The following BAIAP2 variants were observed in gnomAD, a reference collection of about 807,000 sequenced individuals.
The protein encoded by BAIAP2 is BAR/IMD domain-containing adapter protein 2.
Under a neutral mutation model 63.0 loss-of-function variants are expected in BAIAP2, and 18 were observed. That is an observed-to-expected ratio of 0.29 (90% confidence interval 0.20 to 0.42). BAIAP2 has a LOEUF of 0.42. Among genes scored for constraint, BAIAP2 ranks in the 10% least tolerant of loss-of-function variants. BAIAP2 has a pLI of 1.00. For missense variants in BAIAP2, 610 were observed against 734.3 expected, an observed-to-expected ratio of 0.83 and a Z score of 1.96; for synonymous variants, 386 against 307.6, an observed-to-expected ratio of 1.25 and a Z score of -2.67.
At chr17:81,114,620 C>T (rs2060307402) in intron 13 of BAIAP2, among the ~76,000 whole-genome samples, 1 of 152,232 alleles carries the variant, frequency 6.6e-6, no homozygotes, top group Non-Finnish European at 1.5e-5. Context: ...TCAGTCTCTT[C>T]CACGTACTTT....
At chr17:81,104,483 C>T (rs1157327506) in intron 9 of BAIAP2, 31 bp from the exon 10 acceptor site, 5 of 1,560,534 alleles carry the variant, frequency 3.2e-6, no homozygotes, top group East Asian at 4.5e-5. Flanking sequence ...CAGCCAGGGG[C>T]AGTCCCCTTA....
At chr17:81,073,032 A>G (rs1484302268) in intron 3 of BAIAP2, among the ~76,000 whole-genome samples, 1 of 151,932 alleles carries the variant, frequency 6.6e-6, no homozygotes, top group Non-Finnish European at 1.5e-5. Context: ...CACCTCCAGG[A>G]TGACCCCCAG....
At chr17:81,044,837 G>A (rs1308529509) in intron 1 of BAIAP2, among the ~76,000 whole-genome samples, 4 of 152,268 alleles carry the variant, frequency 2.6e-5, no homozygotes, top group African/African-American at 7.2e-5. Flanking sequence ...CAGCTGGCAA[G>A]GCGCCAGCTC....
At chr17:81,043,008 C>T in intron 1 of BAIAP2, among the ~76,000 whole-genome samples, 1 of 152,162 alleles carries the variant, frequency 6.6e-6, no homozygotes, top group East Asian at 1.9e-4. Context: ...GCTGGGATTA[C>T]AGGTGTGCGC....
chr17:81,076,344 G>GC, intron 3 of BAIAP2: 1 of 152,328 alleles, frequency 6.6e-6, no homozygotes, highest in Admixed American at 6.5e-5. Context: ...ATCAACGGAG[G>GC]CCCCGTCTAG....
intron 3 of BAIAP2, among the ~76,000 whole-genome samples, chr17:81,080,225 C>T (rs1190072921): frequency 6.6e-6 from 1 of 152,274 alleles, no homozygotes; most frequent in Non-Finnish European, 1.5e-5. Context: ...CACACTCATG[C>T]TCCCGGCTGG....
rs979072830 is a variant in BAIAP2 at position 81,068,564 on chromosome 17, C to G, written c.217+10597C>G. On this transcript the variant is annotated intron_variant, in intron 3 of 13. Coordinates refer to ENST00000428708, the MANE Select transcript of BAIAP2 (RefSeq NM_001144888.2). ...CAGGATCAGTGTGAAACAAAGCCCA[C>G]GACCCAAGGACCCCGCAGTCAGCAG... is the stretch of plus-strand genomic sequence containing the variant. Among the ~76,000 whole-genome samples, 9 of 152,216 alleles carry G rather than the reference C, an allele frequency of 5.9e-5. 1 individual carries two copies. Among genetic ancestry groups the G allele is most frequent in the African/African-American group, 2.4e-5 (1 of 41,450 alleles).
intron 1 of BAIAP2, among the ~76,000 whole-genome samples, chr17:81,052,379 C>G (rs943357269): frequency 6.6e-6 from 1 of 152,268 alleles, no homozygotes; most frequent in African/African-American, 2.4e-5. Flanking sequence ...CCCCCGTGCA[C>G]GTGGCCTCTG....
At chr17:81,042,697 C>T (rs944122799) in intron 1 of BAIAP2, among the ~76,000 whole-genome samples, 4 of 151,402 alleles carry the variant, frequency 2.6e-5, no homozygotes, top group East Asian at 3.9e-4. Context: ...CGGAAAACAG[C>T]GACATCTTGA....
chr17:81,060,996 C>T (rs575482620), intron 3 of BAIAP2, among the ~76,000 whole-genome samples: 3 of 152,252 alleles, frequency 2.0e-5, no homozygotes, highest in South Asian at 4.1e-4. Context: ...TGGTGGCATG[C>T]GCCTGTAATC....
At chr17:81,073,693 GCT>G (rs138774006) in intron 3 of BAIAP2, among the ~76,000 whole-genome samples, 178 of 152,246 alleles carry the variant, frequency 1.2e-3, no homozygotes, top group African/African-American at 4.2e-3. Context: ...TGAGATTCAC[GCT>G]CTCTCTCAGG....
rs1265475704 is a variant in BAIAP2 at position 81,104,683 on chromosome 17, C to T, written c.1236C>T (p.Gly412=). Residue 412 remains glycine, a synonymous_variant, in exon 10 of 14, where the codon GGC becomes GGT. Transcript: ENST00000428708. ...ITLLVPEARD[G]WHYGESEKTK... is the part of the protein sequence containing the mutation. ...TGCTGGTGCCTGAGGCCCGCGATGG[C>T]TGGCACTACGGAGAGAGTGAGAAGA... is the stretch of plus-strand genomic sequence containing the variant. 1 of 1,598,846 alleles carries T rather than the reference C, an allele frequency of 6.3e-7. No homozygotes were observed. The highest frequency in any genetic ancestry group is 1.3e-5 in the African/African-American group (1 of 74,546).
chr17:81,088,427 C>T (rs190014244), intron 6 of BAIAP2, among the ~76,000 whole-genome samples: 4 of 152,340 alleles, frequency 2.6e-5, no homozygotes, highest in East Asian at 1.9e-4. Flanking sequence ...CACCATTTCA[C>T]GGGCACAGTC....
chr17:81,081,794 G>A (rs1330120444), intron 3 of BAIAP2, among the ~76,000 whole-genome samples: 6 of 152,280 alleles, frequency 3.9e-5, no homozygotes, highest in African/African-American at 1.2e-4. Flanking sequence ...AGAGGCCACC[G>A]CAGTGGTGCA....
intron 3 of BAIAP2, among the ~76,000 whole-genome samples, chr17:81,066,710 G>A (rs139494195): frequency 0.014 from 2,154 of 152,304 alleles, 46 homozygotes; most frequent in African/African-American, 0.048. Context: ...AAAGTGGCTC[G>A]GAAGCACCAT....
rs781470512 is a variant in BAIAP2, at chr17:81,094,185, C to T, written c.490-5743C>T. The stretch of plus-strand genomic sequence containing the variant: ...AACATCTTAGCCCCCACTTCTCCTG[C>T]ATCTTGCCAACCCTTTGCTGGCTCT... On this transcript the variant is annotated intron_variant, in intron 6 of 13. Transcript: ENST00000428708. Among the ~76,000 whole-genome samples, 4 of 152,180 alleles carry T rather than the reference C, an allele frequency of 2.6e-5. 1 individual carries two copies. Among genetic ancestry groups the T allele is most frequent in the Non-Finnish European group, 5.9e-5 (4 of 68,034 alleles).
At chr17:81,051,107 T>C (rs2048612067) in intron 1 of BAIAP2, among the ~76,000 whole-genome samples, 1 of 151,400 alleles carries the variant, frequency 6.6e-6, no homozygotes, top group Non-Finnish European at 1.5e-5. Context: ...CAGGCACTCC[T>C]GGGAGTTAAA....
intron 8 of BAIAP2, 23 bp downstream of exon 8, chr17:81,103,746 G>T (rs781502660): frequency 1.3e-6 from 2 of 1,575,378 alleles, no homozygotes; most frequent in East Asian, 4.5e-5. Flanking sequence ...CCTCTGGAAA[G>T]CTTCACGGGT....
At chr17:81,039,109 A>G (rs560121904) in intron 1 of BAIAP2, among the ~76,000 whole-genome samples, 6 of 152,174 alleles carry the variant, frequency 3.9e-5, no homozygotes, top group African/African-American at 1.4e-4. Flanking sequence ...CCTGGCCTGC[A>G]TTTTCTCTAC....
Sources: gnomAD v4.1 joint callset for allele counts (sites outside exome capture counted in the v4.1 genomes callset) on GRCh38, gnomAD v4.1.1 for gene constraint, MANE v1.5 for transcripts, NCBI Gene and HGNC (gene_info 2026-07-23, HGNC 2026-07-21) for gene names.